RHCE: variants seen among roughly 807,000 people sequenced by gnomAD.
The protein encoded by RHCE is Rh blood group CcEe antigens, also known as blood group Rh(CE) polypeptide.
RHCE carries 22 observed loss-of-function variants against 43.8 expected under a neutral mutation model. The ratio of observed to expected loss-of-function variants is 0.50; its 90% CI spans 0.36 to 0.72. The LOEUF is 0.72. RHCE is among the 30% of genes least tolerant of loss of function. The pLI is 0.00. For synonymous variants in RHCE, 156 were observed against 210.7 expected, an observed-to-expected ratio of 0.74 and a Z score of 2.25; for missense variants, 385 against 525.4, an observed-to-expected ratio of 0.73 and a Z score of 2.61.
intron 1 of RHCE, among the ~76,000 whole-genome samples, chr1:25,412,714 TTAAAAAAAAAAAAAAA>T (rs1647124361): frequency 1.0e-5 from 1 of 100,420 alleles, no homozygotes; most frequent in Non-Finnish European, 1.9e-5. Flanking sequence ...GACCCTTTTT[TTAAAAAAAAAAAAAAA>T]AAAAAAAAAA....
Position 25,402,712 on chromosome 1 carries a change from G to A in RHCE, c.370C>T (p.Leu124=). 1 of 1,614,158 alleles carries A rather than the reference G, an allele frequency of 6.2e-7. No individual in the cohort carries two copies. The highest frequency in any genetic ancestry group is 8.5e-7 in the Non-Finnish European group (1 of 1,180,038). The part of the protein sequence containing the change: ...RLATMSAMSV[L]ISAGAVLGKV... ...CCCAAGACAGCACCCGCTGAGATCA[G>A]CACCGACATAGCACTCATGGTGGCC... The change falls in exon 3 of 10, where the codon CTG becomes TTG. Residue 124 remains leucine (L), a synonymous_variant. Transcript: ENST00000294413.
intron 1 of RHCE, among the ~76,000 whole-genome samples, chr1:25,410,165 G>A (rs1212018203): frequency 6.6e-6 from 1 of 151,936 alleles, no homozygotes; most frequent in African/African-American, 2.4e-5. Context: ...CCAAAGTGAT[G>A]GGATTACAGA....
chr1:25,418,393 G>A (rs1160502486), intron 1 of RHCE, among the ~76,000 whole-genome samples: 3 of 150,286 alleles, frequency 2.0e-5, no homozygotes, highest in Non-Finnish European at 3.0e-5. Flanking sequence ...ATGAAGTCTT[G>A]CTCTGTCGCC....
chr1:25,379,480 TATATATATATATA>T (rs1281973903), intron 7 of RHCE, among the ~76,000 whole-genome samples: 109 of 10,290 alleles, frequency 0.011, no homozygotes, highest in African/African-American at 0.027. Flanking sequence ...TATATATATA[TATATATATATATA>T]TATTTTTTTT....
intron 2 of RHCE, 109 bp from the exon 3 acceptor site, chr1:25,402,855 T>C: frequency 6.7e-7 from 1 of 1,501,240 alleles, no homozygotes. Flanking sequence ...TTACTTTCTG[T>C]GGAAATAGAA....
intron 1 of RHCE, among the ~76,000 whole-genome samples, chr1:25,412,494 C>T (rs1169455610): frequency 6.6e-6 from 1 of 152,104 alleles, no homozygotes; most frequent in African/African-American, 2.4e-5. Context: ...AGGAGGATTG[C>T]TTGAGCTGAG....
chr1:25,392,299 T>G (rs141277768), intron 3 of RHCE, among the ~76,000 whole-genome samples, 158 bp from the exon 4 acceptor site: 3 of 152,166 alleles, frequency 2.0e-5, no homozygotes, highest in East Asian at 3.9e-4. Context: ...CCAGCAGGCT[T>G]TGCCCAGGCT....
At position 25,392,557 on chromosome 1, in the gene RHCE, G is replaced by A. The variant is rs1167260378; in HGVS notation, c.487-416C>T. On this transcript the variant is annotated intron_variant, in intron 3 of 9. Transcript: ENST00000294413. ...ATTACAGGCATGAGCCACTGTGCCCGGCCTCTTTTTTTTTTTTTTTTTTTT... is the reference window on the plus strand; with the variant it reads ...ATTACAGGCATGAGCCACTGTGCCCAGCCTCTTTTTTTTTTTTTTTTTTTT... Among the ~76,000 whole-genome samples the A allele has an allele frequency of 2.1e-5, 3 of 141,888 alleles. No homozygotes were observed. The East Asian group carries it at 6.4e-4, about 30-fold the overall frequency. 93.1% of individuals were successfully genotyped at this position (141,888 alleles called of 152,430 possible).
chr1:25,386,842 AACACAC>A (rs3079633), intron 6 of RHCE, among the ~76,000 whole-genome samples: 38,835 of 138,696 alleles, frequency 0.28, 6,344 homozygotes, highest in Non-Finnish European at 0.39. Flanking sequence ...ACAACAACAA[AACACAC>A]ACACACACAC....
At chr1:25,370,372 T>C (rs1308758567) in intron 9 of RHCE, 95 bp downstream of exon 9, 17 of 1,088,480 alleles carry the variant, frequency 1.6e-5, no homozygotes, top group African/African-American at 4.7e-5. Flanking sequence ...TTTGTTTTTG[T>C]TTTACTCATA....
At chr1:25,425,655 C>T (rs74060783), upstream of RHCE, among the ~76,000 whole-genome samples, 7,259 of 152,286 alleles carry the variant, frequency 0.048, 535 homozygotes, top group African/African-American at 0.16. Context: ...GCTATGTCCA[C>T]GGCGTGCTGG....
At chr1:25,393,419 G>A (rs1414933014) in intron 3 of RHCE, among the ~76,000 whole-genome samples, 14 of 152,060 alleles carry the variant, frequency 9.2e-5, no homozygotes, top group African/African-American at 2.9e-4. Flanking sequence ...TCAGGAGTTC[G>A]ATACCAGCCT....
chr1:25,386,521 C>G (rs1278964753), intron 6 of RHCE, among the ~76,000 whole-genome samples: 3 of 152,160 alleles, frequency 2.0e-5, no homozygotes, highest in Admixed American at 1.3e-4. Flanking sequence ...CCCCATTAGT[C>G]TTCAGAATAA....
At chr1:25,373,314 A>G (rs933222143) in intron 8 of RHCE, among the ~76,000 whole-genome samples, 1 of 151,750 alleles carries the variant, frequency 6.6e-6, no homozygotes, top group Non-Finnish European at 1.5e-5. Context: ...TGTGAGTCCC[A>G]GGACAGGGTT....
intron 3 of RHCE, among the ~76,000 whole-genome samples, chr1:25,397,756 C>G (rs899396629): frequency 1.1e-4 from 17 of 150,178 alleles, no homozygotes; most frequent in Admixed American, 1.1e-3. Flanking sequence ...TCTTTCCCTG[C>G]GTTACACTTC....
At chr1:25,400,873 C>G (rs1294968368) in intron 3 of RHCE, among the ~76,000 whole-genome samples, 2 of 152,146 alleles carry the variant, frequency 1.3e-5, no homozygotes, top group East Asian at 1.9e-4. Context: ...TCTCCCACCC[C>G]ACGTGCAGTC....
intron 3 of RHCE, among the ~76,000 whole-genome samples, chr1:25,393,577 C>T (rs1459618893): frequency 1.3e-5 from 2 of 152,060 alleles, no homozygotes; most frequent in Non-Finnish European, 1.5e-5. Flanking sequence ...GCTGAGATGG[C>T]GCCACTGCAC....
intron 7 of RHCE, among the ~76,000 whole-genome samples, chr1:25,379,483 ATATATATATATATTTT>A (rs1445399899): frequency 1.0e-4 from 2 of 19,448 alleles, no homozygotes; most frequent in Non-Finnish European, 1.5e-4. Context: ...ATATATATAT[ATATATATATATATTTT>A]TTTTTTTTTT....
Position 25,407,203 on chromosome 1 carries a change from G to A in RHCE, c.335+1480C>T, listed in dbSNP as rs1260039339. ...TCCCAAAAGTACTGGGATTACAGGC[G>A]TGAACCACCATGCCCAGCCTCTAAA... On this transcript the variant is annotated intron_variant, in intron 2 of 9. Transcript: ENST00000294413. Among the ~76,000 whole-genome samples, 3 of 122,726 alleles carry A rather than the reference G, an allele frequency of 2.4e-5. 1 individual carries two copies. Among genetic ancestry groups the A allele is most frequent in the Non-Finnish European group, 3.7e-5 (2 of 53,754 alleles). The allele number at this position is 122,726 out of a possible 152,430, so 80.5% of individuals were successfully genotyped here.
Sources: gnomAD v4.1 joint callset for allele counts (sites outside exome capture counted in the v4.1 genomes callset) on GRCh38, gnomAD v4.1.1 for gene constraint, MANE v1.5 for transcripts, NCBI Gene and HGNC (gene_info 2026-07-23, HGNC 2026-07-21) for gene names.